MRAS: variants seen among roughly 807,000 people sequenced by gnomAD.
MRAS encodes ras-related protein M-Ras.
Under a neutral mutation model 20.9 loss-of-function variants are expected in MRAS, and 4 were observed. That is an observed-to-expected ratio of 0.19 (90% CI 0.09 to 0.44). The LOEUF (loss-of-function observed/expected upper bound fraction) is 0.44. Among genes scored for constraint, MRAS ranks in the 20% least tolerant of loss-of-function variants. The probability of loss-of-function intolerance (pLI) is 0.99; values close to 1 mark genes in which losing one functional copy is unlikely to be tolerated. For synonymous variants in MRAS, 98 were observed against 102.9 expected (o/e 0.95, Z 0.29); for missense variants, 154 against 277.5 (o/e 0.56, Z 3.16).
At chr3:138,356,955 G>T (rs931276054) in intron 1 of MRAS, among the ~76,000 whole-genome samples, 6 of 152,238 alleles carry the variant, frequency 3.9e-5, no homozygotes, top group African/African-American at 9.6e-5. Flanking sequence ...CTGGGGCTGG[G>T]TGGGTGTTTC....
intron 1 of MRAS, among the ~76,000 whole-genome samples, chr3:138,358,890 A>G (rs73864515): frequency 0.016 from 2,362 of 152,320 alleles, 50 homozygotes; most frequent in African/African-American, 0.053. Flanking sequence ...GGTCATTATA[A>G]TGACCATCCC....
chr3:138,379,305 C>T (rs1576366664), intron 2 of MRAS, among the ~76,000 whole-genome samples: 1 of 149,466 alleles, frequency 6.7e-6, no homozygotes. Flanking sequence ...GCTTGTTTCA[C>T]TTAACATAAT....
intron 1 of MRAS, among the ~76,000 whole-genome samples, chr3:138,371,496 G>T (rs2054673040): frequency 6.6e-6 from 1 of 152,190 alleles, no homozygotes; most frequent in South Asian, 2.1e-4. Context: ...AGGGCACCCA[G>T]TTCTTTGTCC....
chr3:138,349,973 A>T (rs2054194057), intron 1 of MRAS: 1 of 152,246 alleles, frequency 6.6e-6, no homozygotes, highest in Non-Finnish European at 1.5e-5. Flanking sequence ...GCCCAAGATC[A>T]TATCTGAAGT....
intron 1 of MRAS, among the ~76,000 whole-genome samples, chr3:138,372,071 G>A (rs2054685553): frequency 1.3e-5 from 2 of 151,992 alleles, no homozygotes; most frequent in African/African-American, 4.8e-5. Flanking sequence ...ATTCTTCACT[G>A]GGGGGGACTG....
chr3:138,348,841 C>G (rs373767513), intron 1 of MRAS, 74 bp downstream of exon 1: 1 of 151,716 alleles, frequency 6.6e-6, no homozygotes, highest in Admixed American at 6.6e-5. Flanking sequence ...CGCTTTGTTC[C>G]GGGGCGGGAG....
At chr3:138,367,431 A>G (rs2054583316) in intron 1 of MRAS, among the ~76,000 whole-genome samples, 1 of 152,084 alleles carries the variant, frequency 6.6e-6, no homozygotes, top group Non-Finnish European at 1.5e-5. Context: ...TGACCTCCCA[A>G]GCTGTCCCAC....
intron 2 of MRAS, among the ~76,000 whole-genome samples, chr3:138,387,663 C>T (rs929050216): frequency 1.3e-5 from 2 of 152,156 alleles, no homozygotes; most frequent in Admixed American, 6.5e-5. Context: ...GCCAGGCCCC[C>T]GTCTGTTGGT....
chr3:138,385,971 G>A (rs773738028), intron 2 of MRAS, among the ~76,000 whole-genome samples: 2 of 152,178 alleles, frequency 1.3e-5, no homozygotes, highest in Non-Finnish European at 2.9e-5. Flanking sequence ...GGAGAGGATG[G>A]TCTTAGGAGC....
At chr3:138,380,633 TTAAC>T (rs139770166) in intron 2 of MRAS, among the ~76,000 whole-genome samples, 13,949 of 152,068 alleles carry the variant, frequency 0.092, 1,666 homozygotes, top group African/African-American at 0.28. Context: ...CTCTATGTAT[TTAAC>T]TAATCTAGAT....
chr3:138,366,408 T>C (rs2054560912), intron 1 of MRAS, among the ~76,000 whole-genome samples: 1 of 152,226 alleles, frequency 6.6e-6, no homozygotes, highest in Admixed American at 6.5e-5. Flanking sequence ...TTACCTAAAA[T>C]ACTTGCAATT....
intron 2 of MRAS, among the ~76,000 whole-genome samples, chr3:138,380,416 G>T (rs1171197538): frequency 2.6e-5 from 4 of 152,024 alleles, no homozygotes; most frequent in Non-Finnish European, 5.9e-5. Flanking sequence ...GAGTTCAAGT[G>T]ATTATCCTGC....
At chr3:138,374,602 C>T (rs1191086822) in intron 2 of MRAS, among the ~76,000 whole-genome samples, 4 of 152,152 alleles carry the variant, frequency 2.6e-5, no homozygotes, top group African/African-American at 7.2e-5. Flanking sequence ...TGATTAAAAT[C>T]TCTGGCATCC....
chr3:138,375,350 G>A (rs2054761817), intron 2 of MRAS, among the ~76,000 whole-genome samples: 1 of 152,280 alleles, frequency 6.6e-6, no homozygotes, highest in East Asian at 1.9e-4. Flanking sequence ...TTCTTGTAAT[G>A]TCTGTGTCTA....
intron 1 of MRAS, among the ~76,000 whole-genome samples, chr3:138,363,679 T>TCC: frequency 6.6e-6 from 1 of 152,204 alleles, no homozygotes; most frequent in Non-Finnish European, 1.5e-5. Context: ...CATGTGTGTG[T>TCC]CTTGAGAGGA....
intron 2 of MRAS, among the ~76,000 whole-genome samples, chr3:138,388,002 G>A (rs957778935): frequency 3.3e-5 from 5 of 152,130 alleles, no homozygotes; most frequent in African/African-American, 1.2e-4. Context: ...GAGGAGGTTG[G>A]GGCCACTGGC....
intron 2 of MRAS, among the ~76,000 whole-genome samples, chr3:138,379,693 G>A (rs1325773193): frequency 6.6e-6 from 1 of 152,126 alleles, no homozygotes; most frequent in Non-Finnish European, 1.5e-5. Context: ...ATTCTATTGT[G>A]TATATATGCT....
intron 1 of MRAS, among the ~76,000 whole-genome samples, chr3:138,361,949 C>G (rs1021056520): frequency 3.3e-5 from 5 of 152,232 alleles, no homozygotes; most frequent in African/African-American, 1.2e-4. Context: ...CTTTCCTCAG[C>G]TGCCACTCCA....
rs143875809 is a variant in MRAS at position 138,355,682 on chromosome 3, A to G, written c.-19+6915A>G. Among the ~76,000 whole-genome samples, 1,280 of 152,274 alleles carry G rather than the reference A, an allele frequency of 8.4e-3. 18 individuals are homozygous for G. The highest frequency in any genetic ancestry group is 0.029 in the African/African-American group (1,225 of 41,548). ...GCAGTGGCTCACGCCTGTAATTCCAACACTTTGGGAGATTGAGGCAGGAGG... is the reference window on the plus strand; with the variant it reads ...GCAGTGGCTCACGCCTGTAATTCCAGCACTTTGGGAGATTGAGGCAGGAGG... On this transcript the variant is annotated intron_variant, in intron 1 of 5. Coordinates refer to ENST00000423968, the MANE Select transcript of MRAS (RefSeq NM_001085049.3).
Sources: allele counts gnomAD v4.1 joint callset (sites outside exome capture counted in the v4.1 genomes callset), GRCh38; gene constraint gnomAD v4.1.1; transcripts MANE v1.5; gene names NCBI Gene and HGNC (gene_info 2026-07-23, HGNC 2026-07-21).